ZHX2: variants seen among roughly 807,000 people sequenced by gnomAD.
ZHX2 encodes the protein zinc fingers and homeoboxes 2.
ZHX2 carries 6 observed loss-of-function variants against 21.9 expected under a neutral mutation model. The ratio of observed to expected loss-of-function variants is 0.27; its 90% confidence interval spans 0.15 to 0.54. The LOEUF (loss-of-function observed/expected upper bound fraction) is 0.54. Among genes scored for constraint, ZHX2 ranks in the 20% least tolerant of loss-of-function variants. ZHX2 has a pLI of 0.95. For synonymous variants in ZHX2, 434 were observed against 437.1 expected (o/e 0.99, Z 0.09); for missense variants, 908 against 1,090.7 (o/e 0.83, Z 2.36).
chr8:122,865,175 C>T (rs533723053), intron 2 of ZHX2, among the ~76,000 whole-genome samples: 74 of 151,184 alleles, frequency 4.9e-4, no homozygotes, highest in African/African-American at 1.7e-3. Context: ...GTCGCCCAGG[C>T]TGGAGTGCAG....
chr8:122,786,789 G>C (rs1231379060), intron 1 of ZHX2, among the ~76,000 whole-genome samples: 1 of 150,226 alleles, frequency 6.7e-6, no homozygotes, highest in Non-Finnish European at 1.5e-5. Context: ...CCACACGTAC[G>C]GTACCAGCAC....
In ZHX2 at chr8:122,878,036, A is replaced by G. The variant is rs542112453; in HGVS notation, c.-220+14497A>G. Among the ~76,000 whole-genome samples the G allele has an allele frequency of 2.0e-4, 31 of 152,126 alleles. No individual in the cohort carries two copies. The South Asian group carries it at 6.0e-3, about 30-fold the overall frequency. On this transcript the variant is annotated intron_variant, in intron 2 of 3. Coordinates refer to ENST00000314393, the MANE Select transcript of ZHX2 (RefSeq NM_014943.5). ...TTCTGTTCCCTCCTATCAGGATTTC[A>G]CTGGGTGGACTAATATGAGAATGTC...
chr8:122,918,229 T>A (rs748396352), intron 2 of ZHX2, among the ~76,000 whole-genome samples: 1 of 152,242 alleles, frequency 6.6e-6, no homozygotes, highest in African/African-American at 2.4e-5. Flanking sequence ...AGTCAGAGAC[T>A]GTGTCCCGAC....
In ZHX2 at chr8:122,952,539, G is replaced by C; in HGVS notation, c.1029G>C (p.Pro343=). 6.2e-7 allele frequency: 1 copy of C among 1,614,094 alleles called. No homozygotes were observed. ...ACGGCACCATCCAGTCAGTACCCCC[G>C]ACCATCACTGTGCTGCCCGCCCAGT... ...MFNGTIQSVP[P]TITVLPAQLA... The change falls in exon 3 of 4, where the codon CCG becomes CCC. Residue 343 remains proline (P), a synonymous_variant. Transcript: ENST00000314393. The surrounding 1 kb of genome is among the most constrained non-coding windows in gnomAD (Gnocchi z 6.9).
chr8:122,819,836 C>T (rs2130633381), intron 1 of ZHX2, among the ~76,000 whole-genome samples: 1 of 152,342 alleles, frequency 6.6e-6, no homozygotes, highest in East Asian at 1.9e-4. Context: ...AGAGGCCGGA[C>T]ACCTTTCTCT....
At chr8:122,857,409 A>G (rs963299858) in intron 1 of ZHX2, among the ~76,000 whole-genome samples, 1 of 152,158 alleles carries the variant, frequency 6.6e-6, no homozygotes, top group East Asian at 1.9e-4. Flanking sequence ...AGACACATAC[A>G]TCTTCCTAGA....
intron 1 of ZHX2, among the ~76,000 whole-genome samples, chr8:122,860,472 C>G (rs1819136693): frequency 6.6e-6 from 1 of 152,232 alleles, no homozygotes; most frequent in Admixed American, 6.5e-5. Flanking sequence ...AAGATTGCAG[C>G]ACACAATTCA....
chr8:122,897,313 A>G (rs1290250722), intron 2 of ZHX2, among the ~76,000 whole-genome samples: 1 of 152,258 alleles, frequency 6.6e-6, no homozygotes, highest in African/African-American at 2.4e-5. Context: ...GGTTACCAGA[A>G]TGAAATGATC....
intron 1 of ZHX2, among the ~76,000 whole-genome samples, chr8:122,792,580 G>A (rs1205821192): frequency 6.6e-6 from 1 of 152,108 alleles, no homozygotes; most frequent in Non-Finnish European, 1.5e-5. Context: ...TCATTTTTAT[G>A]TTCCCATCAG....
chr8:122,938,840 A>C (rs144807443), intron 2 of ZHX2, among the ~76,000 whole-genome samples: 40 of 152,274 alleles, frequency 2.6e-4, no homozygotes, highest in African/African-American at 7.9e-4. Flanking sequence ...TCTGTCAAAA[A>C]AAAAGAAAAA....
intron 2 of ZHX2, among the ~76,000 whole-genome samples, chr8:122,932,510 TCTC>T (rs1195194158): frequency 6.6e-6 from 1 of 152,088 alleles, no homozygotes; most frequent in Non-Finnish European, 1.5e-5. Flanking sequence ...CACATTGCCT[TCTC>T]CTTCGTAGTC....
rs1168675978 is a variant in ZHX2 at position 122,955,225 on chromosome 8, T to C, written c.*4+1197T>C. On this transcript the variant is annotated intron_variant, in intron 3 of 3. Coordinates refer to ENST00000314393, the MANE Select transcript of ZHX2 (RefSeq NM_014943.5). Reference sequence around the variant, plus strand: ...AGCAGCTTGGTGGTGAGTTGAGAAATGGGGGCAGTGGCAGGGGGAGGGCTG... The same window carrying C: ...AGCAGCTTGGTGGTGAGTTGAGAAACGGGGGCAGTGGCAGGGGGAGGGCTG... 1.3e-4 allele frequency among the ~76,000 whole-genome samples: 14 copies of C among 103,826 alleles called. No individual in the cohort carries two copies. The Admixed American group carries it at 1.5e-3, about 11-fold the overall frequency. The allele number at this position is 103,826 out of a possible 152,430, so 68.1% of individuals were successfully genotyped here. A position where few individuals can be genotyped will look rare whatever the true frequency, so the allele number is the denominator to read the frequency against.
At chr8:122,908,590 G>T (rs1267425586) in intron 2 of ZHX2, among the ~76,000 whole-genome samples, 1 of 152,124 alleles carries the variant, frequency 6.6e-6, no homozygotes, top group African/African-American at 2.4e-5. Flanking sequence ...AGTGGTCCTT[G>T]TTTCCATAGC....
In ZHX2 at chr8:122,953,827, G is replaced by C; in HGVS notation, c.2317G>C (p.Glu773Gln). 2 of 1,614,266 alleles carry C rather than the reference G, an allele frequency of 1.2e-6. No individual in the cohort carries two copies. The highest frequency in any genetic ancestry group is 1.7e-6 in the Non-Finnish European group (2 of 1,180,042). Residue 773 changes from glutamate to glutamine, a missense_variant, in exon 3 of 4, where the codon GAG becomes CAG. Glu to Gln is a conservative substitution (Grantham distance 29). Coordinates refer to ENST00000314393, the MANE Select transcript of ZHX2 (RefSeq NM_014943.5). This position sits in a 1 kb window ranked among gnomAD's most constrained non-coding sequence, Gnocchi z 4.6. Reference protein sequence around the residue: ...KPSEATSDRSEGSSRDGQGSD... With the variant: ...KPSEATSDRSQGSSRDGQGSD... ...CTCAGAGGCCACCTCAGACCGGTCAGAGGGCAGCAGCCGGGACGGCCAGGG... is the reference window on the plus strand; with the variant it reads ...CTCAGAGGCCACCTCAGACCGGTCACAGGGCAGCAGCCGGGACGGCCAGGG...
chr8:122,829,012 A>G (rs917028547), intron 1 of ZHX2, among the ~76,000 whole-genome samples: 3 of 152,276 alleles, frequency 2.0e-5, no homozygotes, highest in Non-Finnish European at 2.9e-5. Context: ...TTTATTAAAT[A>G]GAATATTATA....
At chr8:122,786,534 TA>T (rs1256700402) in intron 1 of ZHX2, among the ~76,000 whole-genome samples, 1 of 152,206 alleles carries the variant, frequency 6.6e-6, no homozygotes, top group Non-Finnish European at 1.5e-5. Context: ...AAGAAAGTTG[TA>T]AAAAGGCTTA....
chr8:122,963,381 C>A (rs1418139955), intron 3 of ZHX2, among the ~76,000 whole-genome samples: 1 of 152,136 alleles, frequency 6.6e-6, no homozygotes, highest in East Asian at 1.9e-4. Context: ...AATAGGGTGT[C>A]CTTTCCCCAC....
chr8:122,952,597 C>T lies in ZHX2; in HGVS notation c.1087C>T (p.Gln363Ter), dbSNP rs1293436845. The change falls in exon 3 of 4, where the codon CAG becomes TAG. Residue 363 changes from glutamine (Q) to a stop codon, truncating the protein, a stop_gained. Transcript: ENST00000314393. LOFTEE classifies it low-confidence loss of function (END_TRUNC). This position sits in a 1 kb window ranked among gnomAD's most constrained non-coding sequence, Gnocchi z 6.9. ...APTKVTQPIL[Q>*]TALPCQILGQ... ...CACAAAGGTGACGCAGCCCATCCTC[C>T]AGACGGCTCTACCGTGCCAGATCCT... 1 of 1,614,080 alleles carries T rather than the reference C, an allele frequency of 6.2e-7. No individual in the cohort carries two copies. Among genetic ancestry groups the T allele is most frequent in the Non-Finnish European group, 8.5e-7 (1 of 1,180,052 alleles).
chr8:122,871,939 CTA>C (rs1379789127), intron 2 of ZHX2, among the ~76,000 whole-genome samples: 1 of 152,108 alleles, frequency 6.6e-6, no homozygotes, highest in African/African-American at 2.4e-5. Context: ...GATTACCAAC[CTA>C]TAGATGTGTT....
Sources: gnomAD v4.1 joint callset for allele counts (sites outside exome capture counted in the v4.1 genomes callset) on GRCh38, gnomAD v4.1.1 for gene constraint, Gnocchi (gnomAD v3.1) non-coding constraint, MANE v1.5 for transcripts, NCBI Gene and HGNC (gene_info 2026-07-23, HGNC 2026-07-21) for gene names.